The following TACC2 variants were observed in gnomAD, a reference collection of about 807,000 sequenced individuals.
TACC2 encodes the protein transforming acidic coiled-coil containing protein 2.
In TACC2, 137 loss-of-function variants were observed where a neutral mutation model predicts 227.3. That is an observed-to-expected ratio of 0.60 (90% confidence interval 0.52 to 0.69). TACC2 has a LOEUF of 0.69. TACC2 is among the 30% of genes least tolerant of loss of function. TACC2 has a pLI of 0.00. For missense variants in TACC2, 3,470 were observed against 3,694.4 expected (o/e 0.94, Z 1.57); for synonymous variants, 1,523 against 1,487.5 (o/e 1.02, Z -0.55).
chr10:122,046,851 G>A (rs570258952), intron 2 of TACC2, among the ~76,000 whole-genome samples: 15 of 152,292 alleles, frequency 9.8e-5, no homozygotes, highest in African/African-American at 3.6e-4. Flanking sequence ...AGTTGCTGAG[G>A]TTTGCATGGC....
At chr10:122,191,572 G>T (rs2094411768) in intron 7 of TACC2, among the ~76,000 whole-genome samples, 1 of 152,198 alleles carries the variant, frequency 6.6e-6, no homozygotes, top group South Asian at 2.1e-4. Context: ...ACGAATTTAT[G>T]TTGGGCCGCA....
At chr10:122,114,878 T>C (rs1370009528) in intron 5 of TACC2, among the ~76,000 whole-genome samples, 1 of 152,168 alleles carries the variant, frequency 6.6e-6, no homozygotes, top group Non-Finnish European at 1.5e-5. Context: ...TTTTCTCTCT[T>C]AAAAAAATAA....
chr10:122,000,875 T>G (rs891340723), intron 1 of TACC2, among the ~76,000 whole-genome samples: 1 of 152,172 alleles, frequency 6.6e-6, no homozygotes, highest in Non-Finnish European at 1.5e-5. Context: ...CAGGCTGGAG[T>G]GTAGTCATGT....
chr10:122,170,121 G>A (rs528360951), intron 7 of TACC2, among the ~76,000 whole-genome samples: 41 of 152,030 alleles, frequency 2.7e-4, no homozygotes, highest in African/African-American at 9.6e-4. Flanking sequence ...CATGTCCAAC[G>A]TAGAACTCTG....
chr10:122,162,384 T>G (rs1055971119), intron 7 of TACC2, among the ~76,000 whole-genome samples: 1 of 152,230 alleles, frequency 6.6e-6, no homozygotes, highest in African/African-American at 2.4e-5. Context: ...TATTTTCTTT[T>G]GCTTTTGGCC....
chr10:122,214,282 T>C (rs1013757738), intron 9 of TACC2, among the ~76,000 whole-genome samples: 10 of 152,234 alleles, frequency 6.6e-5, no homozygotes, highest in African/African-American at 2.4e-4. Flanking sequence ...TGAATAAATA[T>C]ATGCTTCAAG....
At position 122,209,502 on chromosome 10, in the gene TACC2, A is replaced by G. The variant is rs941701598; in HGVS notation, c.5972-895A>G. ...CTGCCGCAGAGCCTTTACTCGCACTATTCCTTCTACCCAGGATGCTTCCTC... is the reference window on the plus strand; with the variant it reads ...CTGCCGCAGAGCCTTTACTCGCACTGTTCCTTCTACCCAGGATGCTTCCTC... On this transcript the variant is annotated intron_variant, in intron 8 of 22. Coordinates refer to ENST00000369005, the MANE Select transcript of TACC2 (RefSeq NM_206862.4). The surrounding 1 kb of genome is among the most constrained non-coding windows in gnomAD (Gnocchi z 4.5). Among the ~76,000 whole-genome samples the G allele has an allele frequency of 2.0e-5, 3 of 152,046 alleles. No individual in the cohort carries two copies. The highest frequency in any genetic ancestry group is 4.4e-5 in the Non-Finnish European group (3 of 68,004).
In TACC2 at chr10:122,082,803, C is replaced by T; in HGVS notation, c.303C>T (p.Ser101=). ...EGSLLPSPPP[S]QEREHPSSSM... is the part of the protein sequence containing the mutation. Reference sequence around the variant, plus strand: ...CTTTGCTGCCCAGCCCACCACCGTCCCAGGAGCGAGAGCACCCCTCGTCCT... The same window carrying T: ...CTTTGCTGCCCAGCCCACCACCGTCTCAGGAGCGAGAGCACCCCTCGTCCT... The change falls in exon 4 of 23, where the codon TCC becomes TCT. Residue 101 remains serine, a synonymous_variant. Transcript: ENST00000369005. The T allele has an allele frequency of 6.2e-7, 1 of 1,613,796 alleles. No individual in the cohort carries two copies. The highest frequency in any genetic ancestry group is 8.5e-7 in the Non-Finnish European group (1 of 1,180,026).
chr10:122,147,074 A>G (rs557767619), intron 7 of TACC2, among the ~76,000 whole-genome samples: 77 of 152,272 alleles, frequency 5.1e-4, no homozygotes, highest in African/African-American at 1.8e-3. Flanking sequence ...TACCATCGAC[A>G]TGACATATCA....
intron 4 of TACC2, 143 bp from the exon 5 acceptor site, chr10:122,088,334 AG>A (rs2137196996): frequency 4.2e-6 from 3 of 720,006 alleles, no homozygotes; most frequent in South Asian, 4.0e-5. Context: ...TTATTTAGTC[AG>A]GGGGCCCTTT....
chr10:122,222,054 A>G (rs117777985), intron 11 of TACC2, among the ~76,000 whole-genome samples: 1,875 of 152,352 alleles, frequency 0.012, 16 homozygotes, highest in Non-Finnish European at 0.021. Context: ...GAGCCTCTTC[A>G]GCTAGGAGCA....
Position 122,224,766 on chromosome 10 carries a change from G to A in TACC2, c.7587G>A (p.Glu2529=). ...YRNSYEIEYM[E]KIGSSLPQDD... is the part of the protein sequence containing the mutation. ...ACTCCTATGAAATTGAATATATGGA[G>A]AAAATTGGCTCCTCCTTACCTGTAA... The change falls in exon 12 of 23, where the codon GAG becomes GAA. Residue 2529 remains glutamate (E), a synonymous_variant. Transcript: ENST00000369005. The A allele has an allele frequency of 1.2e-6, 2 of 1,614,064 alleles. No homozygotes were observed. The highest frequency in any genetic ancestry group is 1.7e-6 in the Non-Finnish European group (2 of 1,180,010).
intron 7 of TACC2, among the ~76,000 whole-genome samples, chr10:122,154,858 T>C (rs954481999): frequency 6.6e-6 from 1 of 152,236 alleles, no homozygotes; most frequent in African/African-American, 2.4e-5. Context: ...ATGCTATCAA[T>C]AGATGCTCAC....
chr10:122,053,671 C>T lies in TACC2; in HGVS notation c.146+3121C>T, dbSNP rs556616653. 9.3e-4 allele frequency among the ~76,000 whole-genome samples: 142 copies of T among 152,300 alleles called. 1 individual carries two copies. Among genetic ancestry groups the T allele is most frequent in the African/African-American group, 3.0e-3 (125 of 41,568 alleles). On this transcript the variant is annotated intron_variant, in intron 3 of 22. Transcript: ENST00000369005. ...CGCTTCCTCGAGCACCCTCCCTGCTCATTCCCCTCTGAACCAGAGGACACG... is the reference window on the plus strand; with the variant it reads ...CGCTTCCTCGAGCACCCTCCCTGCTTATTCCCCTCTGAACCAGAGGACACG...
chr10:122,203,749 A>G (rs1047182786), intron 8 of TACC2, among the ~76,000 whole-genome samples: 10 of 151,642 alleles, frequency 6.6e-5, no homozygotes, highest in Admixed American at 3.3e-4. Flanking sequence ...CACTTCCCAG[A>G]CGGGGTGGCG....
In TACC2 at chr10:122,083,398, T is replaced by C. The variant is rs1479216436; in HGVS notation, c.898T>C (p.Leu300=). ...CCAAGGGGAGGCGCCGCCTCAGTATTTAACAGATGACTTGGAATTCCTCAG... is the reference window on the plus strand; with the variant it reads ...CCAAGGGGAGGCGCCGCCTCAGTATCTAACAGATGACTTGGAATTCCTCAG... ...RGQGEAPPQY[L]TDDLEFLRAC... is the part of the protein sequence containing the mutation. Residue 300 remains leucine (L), a synonymous_variant, in exon 4 of 23, where the codon TTA becomes CTA. Transcript: ENST00000369005. 3 of 1,613,866 alleles carry C rather than the reference T, an allele frequency of 1.9e-6. No individual in the cohort carries two copies. The highest frequency in any genetic ancestry group is 3.3e-5 in the Admixed American group (2 of 60,026).
chr10:122,114,260 C>G (rs10749444), intron 5 of TACC2, among the ~76,000 whole-genome samples: 71,458 of 151,976 alleles, frequency 0.47, 18,096 homozygotes, highest in East Asian at 0.74. Context: ...ATTCTTACTT[C>G]TCTGATTCCT....
intron 5 of TACC2, among the ~76,000 whole-genome samples, chr10:122,122,780 G>A (rs1298224420): frequency 6.6e-6 from 1 of 152,164 alleles, no homozygotes; most frequent in Non-Finnish European, 1.5e-5. Context: ...AGAGCCCTTC[G>A]CACAACACCT....
At chr10:122,189,415 C>T (rs536605262) in intron 7 of TACC2, among the ~76,000 whole-genome samples, 1 of 152,302 alleles carries the variant, frequency 6.6e-6, no homozygotes, top group Non-Finnish European at 1.5e-5. Flanking sequence ...CTCTTTCAGC[C>T]TGGACAATGC....
Sources: gnomAD v4.1 joint callset for allele counts (sites outside exome capture counted in the v4.1 genomes callset) on GRCh38, gnomAD v4.1.1 for gene constraint, Gnocchi (gnomAD v3.1) non-coding constraint, MANE v1.5 for transcripts, NCBI Gene and HGNC (gene_info 2026-07-23, HGNC 2026-07-21) for gene names.